The following CPZ variants were observed in gnomAD, a reference collection of about 807,000 sequenced individuals.
CPZ encodes the protein VEZT/CPZ fusion.
Under a neutral mutation model 61.8 loss-of-function variants are expected in CPZ, and 103 were observed. That is an observed-to-expected ratio of 1.67 (90% CI 1.42 to 1.96). CPZ has a LOEUF of 1.96. Ranked by LOEUF, CPZ falls within the 30% of genes most tolerant of loss-of-function variation. CPZ has a pLI of 0.00. For missense variants in CPZ, 1,461 were observed against 914.9 expected, an observed-to-expected ratio of 1.60 and a Z score of -7.70; for synonymous variants, 551 against 373.7, an observed-to-expected ratio of 1.47 and a Z score of -5.47.
At chr4:8,607,591 C>T (rs1715147756) in intron 7 of CPZ, among the ~76,000 whole-genome samples, 166 bp downstream of exon 7, 1 of 152,194 alleles carries the variant, frequency 6.6e-6, no homozygotes. Flanking sequence ...AGGGAAGCCC[C>T]TTCCTCCTGG....
chr4:8,609,291 A>ATT (rs1715432109), intron 7 of CPZ, among the ~76,000 whole-genome samples: 2 of 150,224 alleles, frequency 1.3e-5, no homozygotes, highest in Admixed American at 6.7e-5. Flanking sequence ...TAATTTTCTC[A>ATT]GTCATTCATC....
chr4:8,608,471 C>T (rs1180312981), intron 7 of CPZ, among the ~76,000 whole-genome samples: 1 of 152,202 alleles, frequency 6.6e-6, no homozygotes, highest in African/African-American at 2.4e-5. Context: ...CCCTGGTTGG[C>T]ACTCAGGTAT....
chr4:8,612,601 C>A (rs1441663916), intron 8 of CPZ, among the ~76,000 whole-genome samples: 2 of 152,214 alleles, frequency 1.3e-5, no homozygotes, highest in African/African-American at 4.8e-5. Context: ...ACTGATACTA[C>A]AATTGTATCT....
chr4:8,599,407 A>G (rs1408261583), intron 1 of CPZ, 46 bp from the exon 2 acceptor site: 1 of 1,560,894 alleles, frequency 6.4e-7, no homozygotes, highest in Non-Finnish European at 8.7e-7. Flanking sequence ...CGGTGAGTGA[A>G]GGATGGCGAG....
intron 1 of CPZ, 96 bp downstream of exon 1, chr4:8,593,017 A>T (rs1303797546): frequency 2.1e-6 from 2 of 952,356 alleles, no homozygotes; most frequent in African/African-American, 1.7e-5. Flanking sequence ...GCTTTCTTCC[A>T]GTAGGTCACG....
chr4:8,608,919 A>G (rs548221451), intron 7 of CPZ, among the ~76,000 whole-genome samples: 10 of 152,128 alleles, frequency 6.6e-5, no homozygotes, highest in Non-Finnish European at 1.5e-4. Flanking sequence ...CACTCTGCAG[A>G]CCAGGGGCAG....
chr4:8,594,559 C>G (rs934004551), intron 1 of CPZ, among the ~76,000 whole-genome samples: 1 of 152,184 alleles, frequency 6.6e-6, no homozygotes, highest in Non-Finnish European at 1.5e-5. Flanking sequence ...AGCCACTGGT[C>G]AGTTGAGGAG....
At position 8,609,622 on chromosome 4, in the gene CPZ, G is replaced by A. The variant is rs545548316; in HGVS notation, c.1227+2197G>A. On this transcript the variant is annotated intron_variant, in intron 7 of 10. Transcript: ENST00000360986. ...GTGTCCCCCTCTGCACAGGCCCAGT[G>A]TGTCTCAGCCTCAGAGCTGGCAGGG... Among the ~76,000 whole-genome samples the A allele has an allele frequency of 1.8e-3, 272 of 148,870 alleles. 1 individual carries two copies. The highest frequency in any genetic ancestry group is 6.6e-3 in the African/African-American group (252 of 38,350).
chr4:8,615,235 A>T (rs1044966025), intron 9 of CPZ, among the ~76,000 whole-genome samples: 1 of 151,902 alleles, frequency 6.6e-6, no homozygotes, highest in African/African-American at 2.4e-5. Context: ...AATGTGTCTA[A>T]AATGACCCCC....
At chr4:8,595,560 C>T (rs73213363) in intron 1 of CPZ, among the ~76,000 whole-genome samples, 183 of 152,362 alleles carry the variant, frequency 1.2e-3, no homozygotes, top group South Asian at 2.5e-3. Flanking sequence ...GGCCCAGCCA[C>T]ATCATGGGAC....
chr4:8,595,631 C>T (rs1714122869), intron 1 of CPZ, among the ~76,000 whole-genome samples: 1 of 152,272 alleles, frequency 6.6e-6, no homozygotes, highest in African/African-American at 2.4e-5. Flanking sequence ...CATCCTGACT[C>T]TCTTGTGGCC....
At chr4:8,592,971 G>T in intron 1 of CPZ, 50 bp downstream of exon 1, 1 of 1,396,858 alleles carries the variant, frequency 7.2e-7, no homozygotes, top group Non-Finnish European at 9.7e-7. Flanking sequence ...TGCAACCTCT[G>T]GGGAGTGTGA....
At chr4:8,618,677 G>A in intron 10 of CPZ, 149 bp downstream of exon 10, 7 of 710,234 alleles carry the variant, frequency 9.9e-6, no homozygotes, top group Non-Finnish European at 1.7e-5. Context: ...CGGGGAGGGT[G>A]GGCAGGAACC....
At chr4:8,614,311 C>G in intron 8 of CPZ, 48 bp from the exon 9 acceptor site, 2 of 1,587,022 alleles carry the variant, frequency 1.3e-6, no homozygotes, top group Non-Finnish European at 1.7e-6. Flanking sequence ...TCCCGGCTGT[C>G]TCTGTGCGGC....
At chr4:8,611,160 C>A in intron 7 of CPZ, 1 of 441,396 alleles carries the variant, frequency 2.3e-6, no homozygotes. Flanking sequence ...TCCTTTCTGA[C>A]AGAGGGAGCC....
Position 8,612,169 on chromosome 4 carries a change from C to T in CPZ, c.1363+7C>T. ...TGGTACAGCTTCACGGGAGGTGCGG[C>T]TTCCGCAGGGCGGGACTGGGCGGGG... On this transcript the variant is annotated splice_region_variant and intron_variant, in intron 8 of 10. Coordinates refer to ENST00000360986, the MANE Select transcript of CPZ (RefSeq NM_001014447.3). 5 of 1,138,458 alleles carry T rather than the reference C, an allele frequency of 4.4e-6. No individual in the cohort carries two copies. The highest frequency in any genetic ancestry group is 5.6e-6 in the Non-Finnish European group (5 of 887,856). 70.5% of individuals were successfully genotyped at this position (1,138,458 alleles called of 1,614,324 possible). A position where few individuals can be genotyped will look rare whatever the true frequency, so the allele number is the denominator to read the frequency against.
In CPZ at chr4:8,609,217, C is replaced by CACTCACTCACTCATTG. The variant is rs1553877680; in HGVS notation, c.1227+1795_1227+1796insCACTCACTCATTGACT. On this transcript the variant is annotated intron_variant, in intron 7 of 10. Transcript: ENST00000360986. ...TCACTCCCTCACTCACTTACTCATT[C>CACTCACTCACTCATTG]ACTTACTCACTCATTGTCACTCATT... 1.4e-3 allele frequency among the ~76,000 whole-genome samples: 190 copies of CACTCACTCACTCATTG among 138,264 alleles called. 1 individual carries two copies. Among genetic ancestry groups the CACTCACTCACTCATTG allele is most frequent in the African/African-American group, 4.7e-3 (181 of 38,560 alleles). The allele number at this position is 138,264 out of a possible 152,430, so 90.7% of individuals were successfully genotyped here.
At chr4:8,610,655 A>G (rs1452154935) in intron 7 of CPZ, among the ~76,000 whole-genome samples, 2 of 152,180 alleles carry the variant, frequency 1.3e-5, no homozygotes, top group African/African-American at 2.4e-5. Context: ...GATGTGATTC[A>G]TTCTTGATGG....
intron 7 of CPZ, among the ~76,000 whole-genome samples, chr4:8,609,329 TTTTTCACTC>T (rs1715440455): frequency 1.3e-5 from 2 of 151,514 alleles, no homozygotes; most frequent in Non-Finnish European, 2.9e-5. Context: ...ATTCACTCAC[TTTTTCACTC>T]ACTCATTCTC....
Sources: allele counts gnomAD v4.1 joint callset (sites outside exome capture counted in the v4.1 genomes callset), GRCh38; gene constraint gnomAD v4.1.1; transcripts MANE v1.5; gene names NCBI Gene and HGNC (gene_info 2026-07-23, HGNC 2026-07-21).